Variants in TBCB observed in about 807,000 individuals in gnomAD.
The protein encoded by TBCB is tubulin folding cofactor B.
TBCB carries 18 observed loss-of-function variants against 29.2 expected under a neutral mutation model. That is an observed-to-expected ratio of 0.62 (90% CI 0.43 to 0.91). The LOEUF (loss-of-function observed/expected upper bound fraction) is 0.91, where lower values mean the gene tolerates loss of function less well. Ranked by LOEUF, TBCB falls within the 40% of genes least tolerant of loss-of-function variation. TBCB has a pLI of 0.00. For missense variants in TBCB, 336 were observed against 337.6 expected (o/e 1.00, Z 0.04); for synonymous variants, 172 against 137.8 (o/e 1.25, Z -1.74).
Position 36,115,942 on chromosome 19 carries a change from G to A in TBCB, c.115-99G>A, listed in dbSNP as rs542880578. On this transcript the variant is annotated intron_variant, in intron 1 of 5. Transcript: ENST00000221855. ...GATTGCGGCCCCGTGCGTCCTGACT[G>A]GGGGGTCTTTTGGAGGAAAAGGGAC... 11 of 1,518,104 alleles carry A rather than the reference G, an allele frequency of 7.2e-6. No individual in the cohort carries two copies. The South Asian group carries it at 1.2e-4, about 17-fold the overall frequency. The allele number at this position is 1,518,104 out of a possible 1,614,324, so 94.0% of individuals were successfully genotyped here.
At chr19:36,124,301 T>C (rs1974102227) in intron 4 of TBCB, among the ~76,000 whole-genome samples, 1 of 152,138 alleles carries the variant, frequency 6.6e-6, no homozygotes, top group Non-Finnish European at 1.5e-5. Flanking sequence ...GCTCACTGCA[T>C]CCTCTGCCTC....
intron 2 of TBCB, 163 bp from the exon 3 acceptor site, chr19:36,120,547 C>T (rs1208381866): frequency 5.0e-6 from 3 of 596,404 alleles, no homozygotes; most frequent in Admixed American, 2.9e-5. Flanking sequence ...GTGTACGTAG[C>T]TACTTCTCCC....
At chr19:36,121,810 T>C in intron 4 of TBCB, 92 bp downstream of exon 4, 1 of 1,486,274 alleles carries the variant, frequency 6.7e-7, no homozygotes, top group Non-Finnish European at 9.2e-7. Flanking sequence ...GACCACGCTC[T>C]GCCTAGGGGC....
intron 4 of TBCB, chr19:36,122,021 A>G (rs1364993736): frequency 1.6e-5 from 8 of 488,160 alleles, no homozygotes; most frequent in Non-Finnish European, 2.9e-5. Flanking sequence ...CGGTGGGGAA[A>G]CGGGCGGCGT....
chr19:36,121,040 G>A (rs1268269540), intron 3 of TBCB, among the ~76,000 whole-genome samples: 1 of 150,156 alleles, frequency 6.7e-6, no homozygotes, highest in African/African-American at 2.5e-5. Context: ...TCGGGGGAGG[G>A]CTGGGAAAGT....
upstream of TBCB, chr19:36,115,289 G>A (rs1461436948): frequency 5.5e-6 from 3 of 548,604 alleles, no homozygotes; most frequent in Non-Finnish European, 9.6e-6. Flanking sequence ...CGCCTGTTCT[G>A]GTCCTTTCCC....
intron 2 of TBCB, among the ~76,000 whole-genome samples, chr19:36,118,987 G>A (rs143912330): frequency 6.6e-6 from 1 of 152,248 alleles, no homozygotes; most frequent in East Asian, 1.9e-4. Flanking sequence ...CCTCTGCTGG[G>A]TGCACAGGAC....
intron 2 of TBCB, among the ~76,000 whole-genome samples, chr19:36,119,202 A>G (rs960604427): frequency 1.3e-5 from 2 of 152,166 alleles, no homozygotes; most frequent in Non-Finnish European, 2.9e-5. Flanking sequence ...CTTTATAAAT[A>G]TCACCCATAT....
At chr19:36,115,996 G>A (rs760716753) in intron 1 of TBCB, 45 bp from the exon 2 acceptor site, 1 of 1,597,520 alleles carries the variant, frequency 6.3e-7, no homozygotes, top group East Asian at 2.2e-5. Context: ...GCAAGGGGCG[G>A]GGCCTCCGTG....
intron 4 of TBCB, among the ~76,000 whole-genome samples, chr19:36,122,571 CAAAA>C (rs759711385): frequency 2.2e-5 from 2 of 91,560 alleles, no homozygotes; most frequent in Non-Finnish European, 2.2e-5. Flanking sequence ...CCTGTCTCTA[CAAAA>C]AAAAAAAAAA....
In TBCB at chr19:36,125,661, C is replaced by A. The variant is rs1238826532; in HGVS notation, c.621-7C>A. Reference sequence around the variant, plus strand: ...CTGACCACACCCACCCCTATCCTTTCCTGCAGTGTGAATGGGAAACGCTAC... The same window carrying A: ...CTGACCACACCCACCCCTATCCTTTACTGCAGTGTGAATGGGAAACGCTAC... On this transcript the variant is annotated splice_polypyrimidine_tract_variant and splice_region_variant and intron_variant, in intron 5 of 5. Transcript: ENST00000221855. 6.3e-7 allele frequency: 1 copy of A among 1,586,592 alleles called. No homozygotes were observed. Among genetic ancestry groups the A allele is most frequent in the Non-Finnish European group, 8.6e-7 (1 of 1,164,244 alleles).
chr19:36,114,996 G>C, upstream of TBCB: 3 of 797,754 alleles, frequency 3.8e-6, no homozygotes, highest in Non-Finnish European at 6.1e-6. This position sits in a 1 kb window ranked among gnomAD's most constrained non-coding sequence, Gnocchi z 4.5. Flanking sequence ...GCCGCCTCGG[G>C]CTCGGCTCTC....
Position 36,125,791 on chromosome 19 carries a change from G to A in TBCB, c.*9G>A, listed in dbSNP as rs748491400. ...GGTTGGACGAGATATGACACCTAAG[G>A]AATTCCCCTGCTTCAGCTCCTAGCT... On this transcript the variant is annotated 3_prime_UTR_variant, in exon 6 of 6. Coordinates refer to ENST00000221855, the MANE Select transcript of TBCB (RefSeq NM_001281.3). 4 of 1,500,126 alleles carry A rather than the reference G, an allele frequency of 2.7e-6. No individual in the cohort carries two copies. In the South Asian group the frequency reaches 4.2e-5, roughly 16 times the overall value. The allele number at this position is 1,500,126 out of a possible 1,614,324, so 92.9% of individuals were successfully genotyped here.
At position 36,121,694 on chromosome 19, in the gene TBCB, C is replaced by G; in HGVS notation, c.523C>G (p.Arg175Gly). The change falls in exon 4 of 6, where the codon CGC (arginine) becomes GGC (glycine). Residue 175 changes from arginine (R) to glycine (G), a missense_variant. Transcript: ENST00000221855. The part of the protein sequence containing the change: ...CEVRAAGQSP[R>G]RGTVMYVGLT... ...GGTGCGGGCGGCGGGACAATCCCCT[C>G]GCCGGGGCACCGTCATGTATGTAGG... 1.3e-6 allele frequency: 2 copies of G among 1,553,196 alleles called. No homozygotes were observed. Among genetic ancestry groups the G allele is most frequent in the Non-Finnish European group, 1.7e-6 (2 of 1,149,716 alleles).
chr19:36,119,161 G>C (rs1485335202), intron 2 of TBCB, among the ~76,000 whole-genome samples: 1 of 152,174 alleles, frequency 6.6e-6, no homozygotes, highest in Non-Finnish European at 1.5e-5. Flanking sequence ...AGCCACTGGG[G>C]AATTTTTACA....
In TBCB at chr19:36,115,612, T is replaced by A. The variant is rs1383171489; in HGVS notation, c.52T>A (p.Ser18Thr). 2 of 1,606,806 alleles carry A rather than the reference T, an allele frequency of 1.2e-6. No homozygotes were observed. The change falls in exon 1 of 6, where the codon TCC (serine) becomes ACC (threonine). Residue 18 changes from serine to threonine, a missense_variant. By Grantham distance (58) the Ser-to-Thr change is moderately conservative. Transcript: ENST00000221855. ...CACGGTGACCGTTTTCATCAGCAGC[T>A]CCCTCAACACCTTCCGCTCCGAGAA... ...APTVTVFISS[S>T]LNTFRSEKRY...
At chr19:36,119,163 A>G (rs552355079) in intron 2 of TBCB, among the ~76,000 whole-genome samples, 1 of 152,310 alleles carries the variant, frequency 6.6e-6, no homozygotes, top group East Asian at 1.9e-4. Context: ...CCACTGGGGA[A>G]TTTTTACATT....
chr19:36,117,275 A>G (rs560175907), intron 2 of TBCB, among the ~76,000 whole-genome samples: 3 of 152,290 alleles, frequency 2.0e-5, no homozygotes, highest in South Asian at 2.1e-4. Flanking sequence ...TTTGATCACT[A>G]TAATTCACTA....
At chr19:36,123,247 CCTT>C (rs1210478256) in intron 4 of TBCB, among the ~76,000 whole-genome samples, 13 of 145,790 alleles carry the variant, frequency 8.9e-5, no homozygotes, top group South Asian at 2.2e-4. Context: ...CTGCTATGAA[CCTT>C]CTTCTTTTTT....
Sources: gnomAD v4.1 joint callset for allele counts (sites outside exome capture counted in the v4.1 genomes callset) on GRCh38, gnomAD v4.1.1 for gene constraint, Gnocchi (gnomAD v3.1) non-coding constraint, MANE v1.5 for transcripts, NCBI Gene and HGNC (gene_info 2026-07-23, HGNC 2026-07-21) for gene names.